Variants in BAALC observed in about 807,000 individuals in gnomAD.
The protein encoded by BAALC is BAALC binder of MAP3K1 and KLF4, also known as brain and acute leukemia cytoplasmic protein.
In BAALC, 9 loss-of-function variants were observed where a neutral mutation model predicts 15.5. The observed-to-expected ratio is 0.58, with a 90% confidence interval of 0.35 to 1.02. The LOEUF is 1.02. BAALC is among the 50% of genes least tolerant of loss of function. The pLI, the probability that BAALC is intolerant of heterozygous loss-of-function variation, is 0.02. For synonymous variants in BAALC, 80 were observed against 74.6 expected (o/e 1.07, Z -0.37); for missense variants, 201 against 192.4 (o/e 1.04, Z -0.27).
intron 2 of BAALC, among the ~76,000 whole-genome samples, chr8:103,221,007 G>T (rs952341881): frequency 2.0e-5 from 3 of 152,140 alleles, no homozygotes; most frequent in African/African-American, 7.2e-5. Flanking sequence ...TCCATTTGGG[G>T]GGAAAGTGAG....
chr8:103,193,354 T>C (rs1267091309), intron 1 of BAALC, among the ~76,000 whole-genome samples: 5 of 152,150 alleles, frequency 3.3e-5, no homozygotes, highest in African/African-American at 1.2e-4. Flanking sequence ...CCTTTAGGAG[T>C]CACTACATCC....
intron 1 of BAALC, among the ~76,000 whole-genome samples, chr8:103,210,796 G>C (rs1205209792): frequency 6.6e-6 from 1 of 152,106 alleles, no homozygotes. Context: ...AACCAGAAAA[G>C]AAAATATTCA....
chr8:103,181,737 T>G (rs1019286919), intron 1 of BAALC, among the ~76,000 whole-genome samples: 4 of 152,192 alleles, frequency 2.6e-5, no homozygotes, highest in Non-Finnish European at 5.9e-5. Flanking sequence ...TGGTTAATAG[T>G]AGCTGATATT....
At chr8:103,160,837 G>A (rs1321397333) in intron 1 of BAALC, among the ~76,000 whole-genome samples, 21 of 152,068 alleles carry the variant, frequency 1.4e-4, no homozygotes, top group African/African-American at 4.6e-4. Flanking sequence ...GCCTTTTCAC[G>A]TTTTTCTGCC....
chr8:103,224,425 C>T (rs959765182), intron 2 of BAALC, among the ~76,000 whole-genome samples: 8 of 1,424 alleles, frequency 5.6e-3, no homozygotes, highest in South Asian at 0.062. Context: ...GCAGAGTGGG[C>T]GGGTGGGGGG....
At chr8:103,158,412 C>CTA (rs1455215459) in intron 1 of BAALC, among the ~76,000 whole-genome samples, 1 of 152,078 alleles carries the variant, frequency 6.6e-6, no homozygotes, top group East Asian at 1.9e-4. Flanking sequence ...GTACAAAACC[C>CTA]TATATATATT....
chr8:103,208,329 G>A (rs1442762959), intron 1 of BAALC: 1 of 152,216 alleles, frequency 6.6e-6, no homozygotes, highest in Non-Finnish European at 1.5e-5. Context: ...AACCAAAGTT[G>A]TAATTTTTGT....
At chr8:103,215,290 A>G (rs1812532221) in intron 2 of BAALC, among the ~76,000 whole-genome samples, 2 of 152,222 alleles carry the variant, frequency 1.3e-5, no homozygotes, top group Admixed American at 1.3e-4. Context: ...ACTGAGGTTC[A>G]TTTGATTGAG....
chr8:103,163,520 G>C (rs973627794), intron 1 of BAALC, among the ~76,000 whole-genome samples: 1 of 152,130 alleles, frequency 6.6e-6, no homozygotes, highest in Non-Finnish European at 1.5e-5. Context: ...AATCATCTCT[G>C]GTTGTTCAGG....
chr8:103,200,304 A>G (rs975940544), intron 1 of BAALC, among the ~76,000 whole-genome samples: 7 of 152,202 alleles, frequency 4.6e-5, no homozygotes, highest in Admixed American at 4.6e-4. Context: ...AACCTCAAAG[A>G]CTGAAAGATG....
intron 2 of BAALC, among the ~76,000 whole-genome samples, chr8:103,225,620 A>G (rs896152002): frequency 1.3e-5 from 2 of 152,138 alleles, no homozygotes; most frequent in South Asian, 4.1e-4. Flanking sequence ...CCACAAGGAG[A>G]CCTGGGGCAA....
chr8:103,218,352 G>C (rs184562126), intron 2 of BAALC, among the ~76,000 whole-genome samples: 289 of 149,140 alleles, frequency 1.9e-3, no homozygotes, highest in African/African-American at 6.5e-3. Flanking sequence ...AGTCATTTGG[G>C]GCCTTACTGA....
intron 1 of BAALC, among the ~76,000 whole-genome samples, chr8:103,178,951 G>A (rs1478463379): frequency 6.6e-6 from 1 of 151,878 alleles, no homozygotes; most frequent in African/African-American, 2.4e-5. Flanking sequence ...AATAGTTGGT[G>A]GAAAGAAGGA....
chr8:103,216,324 T>C (rs912878425), intron 2 of BAALC, among the ~76,000 whole-genome samples: 9 of 152,208 alleles, frequency 5.9e-5, no homozygotes, highest in African/African-American at 2.2e-4. Flanking sequence ...TTGACTTTCA[T>C]AGACATTGAC....
intron 1 of BAALC, among the ~76,000 whole-genome samples, chr8:103,170,231 G>A (rs1811447882): frequency 6.9e-6 from 1 of 145,954 alleles, no homozygotes; most frequent in African/African-American, 2.5e-5. Context: ...GGAATTCAAT[G>A]AGCCTTTTTT....
chr8:103,226,357 G>T (rs1414244848), intron 2 of BAALC, among the ~76,000 whole-genome samples: 1 of 152,232 alleles, frequency 6.6e-6, no homozygotes, highest in Admixed American at 6.5e-5. Context: ...CCATTTACCT[G>T]CACATTGGCC....
At chr8:103,168,024 T>C (rs1345931147) in intron 1 of BAALC, among the ~76,000 whole-genome samples, 1 of 152,230 alleles carries the variant, frequency 6.6e-6, no homozygotes, top group East Asian at 1.9e-4. Context: ...CTTACATTTA[T>C]AATTAACTAG....
chr8:103,171,379 G>C (rs1193588868), intron 1 of BAALC, among the ~76,000 whole-genome samples: 1 of 70,178 alleles, frequency 1.4e-5, no homozygotes, highest in African/African-American at 5.2e-5. Context: ...AAGAAAGAAA[G>C]GCAAGAGAGG....
intron 1 of BAALC, among the ~76,000 whole-genome samples, chr8:103,162,201 A>G (rs975474527): frequency 1.3e-5 from 2 of 151,910 alleles, no homozygotes; most frequent in Admixed American, 6.6e-5. Flanking sequence ...GGCTGAAGCA[A>G]TTCTCCCACC....
Sources: gnomAD v4.1 joint callset for allele counts (sites outside exome capture counted in the v4.1 genomes callset) on GRCh38, gnomAD v4.1.1 for gene constraint, MANE v1.5 for transcripts, NCBI Gene and HGNC (gene_info 2026-07-23, HGNC 2026-07-21) for gene names.